The following EXOC4 variants were observed in gnomAD, a reference collection of about 807,000 sequenced individuals.
EXOC4 encodes exocyst complex component 4, also known as SEC8-like 1.
In EXOC4, 71 loss-of-function variants were observed where a neutral mutation model predicts 107.2. That is an observed-to-expected ratio of 0.66 (90% CI 0.55 to 0.81). The LOEUF is 0.81. Ranked by LOEUF, EXOC4 falls within the 30% of genes least tolerant of loss-of-function variation. The pLI, the probability that EXOC4 is intolerant of heterozygous loss-of-function variation, is 0.00. For missense variants in EXOC4, 1,108 were observed against 1,189.6 expected, an observed-to-expected ratio of 0.93 and a Z score of 1.01; for synonymous variants, 456 against 441.2, an observed-to-expected ratio of 1.03 and a Z score of -0.42.
intron 3 of EXOC4, among the ~76,000 whole-genome samples, chr7:133,291,836 G>C (rs1293165272): frequency 2.6e-5 from 4 of 151,994 alleles, no homozygotes; most frequent in African/African-American, 9.7e-5. Flanking sequence ...TAGTCTGTTG[G>C]CTCAGGCTGT....
At chr7:134,085,179 CCTT>C in the EXOC4 span, among the ~76,000 whole-genome samples, 1 of 152,092 alleles carries the variant, frequency 6.6e-6, no homozygotes, top group Non-Finnish European at 1.5e-5. Flanking sequence ...AGTACAGACT[CCTT>C]CTCAGGCCAT....
rs571727991 is a variant in EXOC4, at chr7:133,636,028, TGA to T, written c.1514+5898_1514+5899del. On this transcript the variant is annotated intron_variant, in intron 10 of 17. Coordinates refer to ENST00000253861, the MANE Select transcript of EXOC4 (RefSeq NM_021807.4). ...CTGGAAAGGAGTTTTGTGCATTGTA[TGA>T]GAGAGAGAGAAACTAGACCACTAAA... Among the ~76,000 whole-genome samples the T allele has an allele frequency of 1.0e-3, 157 of 152,226 alleles. 6 individuals carry two copies. In the South Asian group the frequency reaches 0.03, roughly 30 times the overall value.
At chr7:133,648,997 C>T (rs575681809) in intron 10 of EXOC4, among the ~76,000 whole-genome samples, 39 of 152,272 alleles carry the variant, frequency 2.6e-4, no homozygotes, top group African/African-American at 8.9e-4. Flanking sequence ...GTGGATTGCA[C>T]TGAAGCTTGA....
chr7:133,415,991 A>G (rs912861804), intron 7 of EXOC4, among the ~76,000 whole-genome samples: 2 of 152,204 alleles, frequency 1.3e-5, no homozygotes, highest in African/African-American at 2.4e-5. Context: ...TACTAAGGAA[A>G]GGTTGTCAAC....
chr7:133,678,866 C>T (rs924727429), intron 10 of EXOC4, among the ~76,000 whole-genome samples: 9 of 152,174 alleles, frequency 5.9e-5, no homozygotes, highest in East Asian at 5.8e-4. Context: ...GCATTCTCCC[C>T]GCCTTGACCT....
chr7:133,797,786 C>T (rs1331339444), intron 10 of EXOC4, among the ~76,000 whole-genome samples: 2 of 152,214 alleles, frequency 1.3e-5, no homozygotes, highest in Non-Finnish European at 2.9e-5. Context: ...TACATTTATT[C>T]AGCAAGTTCC....
At position 134,029,326 on chromosome 7, in the gene EXOC4, A is replaced by G. The variant is rs373801455; in HGVS notation, c.2687+21491A>G. Among the ~76,000 whole-genome samples the G allele has an allele frequency of 4.6e-5, 7 of 152,230 alleles. No individual in the cohort carries two copies. The East Asian group carries it at 1.2e-3, about 25-fold the overall frequency. ...AACATTGTGCTAAATGAAAGAAGCC[A>G]GTCAAAAGAAACCACGCACTTTATA... is the stretch of plus-strand genomic sequence containing the variant. On this transcript the variant is annotated intron_variant, in intron 17 of 17. Coordinates refer to ENST00000253861, the MANE Select transcript of EXOC4 (RefSeq NM_021807.4).
At chr7:133,296,401 C>T (rs1319693885) in intron 3 of EXOC4, among the ~76,000 whole-genome samples, 1 of 152,064 alleles carries the variant, frequency 6.6e-6, no homozygotes, top group Non-Finnish European at 1.5e-5. Context: ...TAGGGGTGGT[C>T]AGCTGTAGCT....
intron 7 of EXOC4, among the ~76,000 whole-genome samples, chr7:133,456,452 TATC>T (rs1453182875): frequency 6.6e-6 from 1 of 152,200 alleles, no homozygotes; most frequent in African/African-American, 2.4e-5. Flanking sequence ...CATGCGATCA[TATC>T]ATTGAATTGG....
chr7:133,476,932 C>T (rs1033423702), intron 8 of EXOC4, among the ~76,000 whole-genome samples: 4 of 151,194 alleles, frequency 2.6e-5, no homozygotes, highest in Non-Finnish European at 5.9e-5. Context: ...CCATCAGTTC[C>T]AGTCCAGTAA....
chr7:134,044,682 G>A (rs935390686), intron 17 of EXOC4, among the ~76,000 whole-genome samples: 3 of 152,172 alleles, frequency 2.0e-5, no homozygotes, highest in African/African-American at 7.2e-5. Flanking sequence ...TGTAGCACAC[G>A]TTAGCACAAT....
intron 5 of EXOC4, among the ~76,000 whole-genome samples, chr7:133,350,408 C>T (rs1350519259): frequency 2.0e-5 from 3 of 152,056 alleles, no homozygotes; most frequent in African/African-American, 7.2e-5. Flanking sequence ...TTTCCCTGTA[C>T]AGCATTTGTT....
intron 10 of EXOC4, among the ~76,000 whole-genome samples, chr7:133,715,794 A>G (rs527881339): frequency 2.0e-5 from 3 of 152,256 alleles, no homozygotes; most frequent in African/African-American, 4.8e-5. Context: ...GGAGGATGCT[A>G]GGGTACCAGT....
intron 9 of EXOC4, among the ~76,000 whole-genome samples, chr7:133,586,464 A>G (rs560163678): frequency 7.8e-4 from 119 of 152,300 alleles, no homozygotes; most frequent in African/African-American, 2.5e-3. Context: ...TAATGGCTGC[A>G]TAGTATTCCA....
At chr7:133,899,025 T>G (rs1164145013) in intron 12 of EXOC4, among the ~76,000 whole-genome samples, 1 of 151,572 alleles carries the variant, frequency 6.6e-6, no homozygotes, top group African/African-American at 2.4e-5. Context: ...AAGTTTAAAA[T>G]TTTTAAAATA....
chr7:133,855,915 C>G (rs145484205), intron 11 of EXOC4, among the ~76,000 whole-genome samples: 1 of 152,204 alleles, frequency 6.6e-6, no homozygotes, highest in African/African-American at 2.4e-5. Context: ...CAACCATGTA[C>G]GTAGGTTGTC....
intron 9 of EXOC4, among the ~76,000 whole-genome samples, chr7:133,484,994 C>T (rs985248656): frequency 2.7e-5 from 4 of 149,970 alleles, no homozygotes; most frequent in East Asian, 2.0e-4. Flanking sequence ...GCAGGAGAAT[C>T]GCTTGAACCT....
At chr7:133,264,342 T>TA (rs1208439716) in intron 1 of EXOC4, among the ~76,000 whole-genome samples, 2 of 152,184 alleles carry the variant, frequency 1.3e-5, no homozygotes, top group Non-Finnish European at 2.9e-5. Context: ...CAATTGACTT[T>TA]AAAGCAAAAA....
chr7:133,406,097 C>A (rs1797210218), intron 7 of EXOC4, among the ~76,000 whole-genome samples: 1 of 152,216 alleles, frequency 6.6e-6, no homozygotes. Context: ...TAGTGATTTA[C>A]TGCTCATAGA....
Sources: gnomAD v4.1 joint callset for allele counts (sites outside exome capture counted in the v4.1 genomes callset) on GRCh38, gnomAD v4.1.1 for gene constraint, MANE v1.5 for transcripts, NCBI Gene and HGNC (gene_info 2026-07-23, HGNC 2026-07-21) for gene names.